Variants in AGPAT3 observed in about 807,000 individuals in gnomAD.
AGPAT3 encodes 1-acyl-sn-glycerol-3-phosphate acyltransferase gamma.
A neutral mutation model predicts 47.3 loss-of-function variants in AGPAT3; 5 were observed. The ratio of observed to expected loss-of-function variants is 0.11; its 90% CI spans 0.06 to 0.22. The LOEUF is 0.22. AGPAT3 is among the 10% of genes least tolerant of loss of function. The pLI, the probability that AGPAT3 is intolerant of heterozygous loss-of-function variation, is 1.00. For missense variants in AGPAT3, 315 were observed against 493.0 expected (o/e 0.64, Z 3.42); for synonymous variants, 212 against 208.3 (o/e 1.02, Z -0.15).
chr21:43,865,667 C>T (rs1008008317), intron 1 of AGPAT3, among the ~76,000 whole-genome samples: 2 of 150,510 alleles, frequency 1.3e-5, no homozygotes, highest in Non-Finnish European at 3.0e-5. Flanking sequence ...CGGGGAGGCC[C>T]GGGGGTTCGG....
intron 7 of AGPAT3, among the ~76,000 whole-genome samples, chr21:43,975,067 G>A (rs1201822051): frequency 6.6e-6 from 1 of 152,166 alleles, no homozygotes; most frequent in African/African-American, 2.4e-5. Context: ...CATGTGATGT[G>A]TATGTGCTGG....
At chr21:43,960,091 C>T (rs1472572528) in intron 3 of AGPAT3, among the ~76,000 whole-genome samples, 2 of 152,190 alleles carry the variant, frequency 1.3e-5, no homozygotes, top group African/African-American at 2.4e-5. Context: ...CAGCTTCCCA[C>T]GGTTTACCAG....
At chr21:43,941,865 A>C (rs1194551138) in intron 2 of AGPAT3, among the ~76,000 whole-genome samples, 1 of 152,266 alleles carries the variant, frequency 6.6e-6, no homozygotes, top group Non-Finnish European at 1.5e-5. Flanking sequence ...AAAATGATGA[A>C]AGACCTATTA....
intron 2 of AGPAT3, among the ~76,000 whole-genome samples, chr21:43,936,052 C>T (rs949888409): frequency 5.9e-5 from 9 of 152,238 alleles, no homozygotes; most frequent in African/African-American, 1.9e-4. Flanking sequence ...GCTCACATGC[C>T]GCAGCCCTGG....
chr21:43,938,459 A>AT (rs1569075994), intron 2 of AGPAT3, among the ~76,000 whole-genome samples: 1 of 150,482 alleles, frequency 6.6e-6, no homozygotes, highest in Middle Eastern at 3.5e-3. Context: ...AGGCATGCTA[A>AT]TTTTTTGTAT....
At chr21:43,935,640 G>C (rs1019061688) in intron 2 of AGPAT3, among the ~76,000 whole-genome samples, 1 of 152,242 alleles carries the variant, frequency 6.6e-6, no homozygotes, top group Non-Finnish European at 1.5e-5. Context: ...GGGCCTCAGG[G>C]CTGGGTCTGC....
At chr21:43,947,839 TTCACCATGTTGGTGAGACCA>T (rs1266342955) in intron 2 of AGPAT3, among the ~76,000 whole-genome samples, 1 of 152,096 alleles carries the variant, frequency 6.6e-6, no homozygotes, top group Non-Finnish European at 1.5e-5. Context: ...GAGACGGGGT[TTCACCATGTTGGTGAGACCA>T]TCACCATGAT....
intron 3 of AGPAT3, chr21:43,965,116 G>C (rs1194692678): frequency 2.0e-5 from 3 of 152,498 alleles, no homozygotes; most frequent in Admixed American, 1.3e-4. Context: ...TTTTTGTAGA[G>C]ACAGGGTTTT....
chr21:43,959,821 G>A lies in AGPAT3; in HGVS notation c.140G>A (p.Arg47His), dbSNP rs1230314834. The change falls in exon 3 of 10, where the codon CGC becomes CAC. Residue 47 changes from arginine (R) to histidine (H), a missense_variant. Arg to His is a conservative substitution (Grantham distance 29). Coordinates refer to ENST00000291572, the MANE Select transcript of AGPAT3 (RefSeq NM_020132.5). ...ALWPVSKQLY[R>H]RLNCRLAYSL... is the part of the protein sequence containing the mutation. ...TGGCCGGTCAGCAAGCAGCTCTACC[G>A]CCGCCTCAACTGCCGCCTCGCCTAC... is the stretch of plus-strand genomic sequence containing the variant. 3 of 1,611,914 alleles carry A rather than the reference G, an allele frequency of 1.9e-6. No individual in the cohort carries two copies.
rs2087297353 is a variant in AGPAT3 at position 43,932,775 on chromosome 21, C to T, written c.-48-26859C>T. ...AAGCGATTCTTTTGCTTCAGCCTCCCGAGTAGCTGGGATTACAGACGCCCG... is the reference window on the plus strand; with the variant it reads ...AAGCGATTCTTTTGCTTCAGCCTCCTGAGTAGCTGGGATTACAGACGCCCG... On this transcript the variant is annotated intron_variant, in intron 2 of 9. Coordinates refer to ENST00000291572, the MANE Select transcript of AGPAT3 (RefSeq NM_020132.5). This position sits in a 1 kb window ranked among gnomAD's most constrained non-coding sequence, Gnocchi z 5.2. 2.0e-5 allele frequency among the ~76,000 whole-genome samples: 3 copies of T among 152,172 alleles called. No individual in the cohort carries two copies. Among genetic ancestry groups the T allele is most frequent in the Non-Finnish European group, 2.9e-5 (2 of 68,040 alleles).
At chr21:43,963,727 AAAAGAT>A (rs1253681345) in intron 3 of AGPAT3, among the ~76,000 whole-genome samples, 7 of 151,366 alleles carry the variant, frequency 4.6e-5, no homozygotes, top group African/African-American at 7.3e-5. Context: ...AAAAAAAAAA[AAAAGAT>A]AAGGAAGTCT....
chr21:43,943,817 C>T (rs1178000213), intron 2 of AGPAT3, among the ~76,000 whole-genome samples: 2 of 152,166 alleles, frequency 1.3e-5, no homozygotes, highest in South Asian at 2.1e-4. Flanking sequence ...CAGGAGAGGC[C>T]GGAGCGTTTT....
At chr21:43,870,362 C>T (rs532120219) in intron 1 of AGPAT3, among the ~76,000 whole-genome samples, 64 of 152,176 alleles carry the variant, frequency 4.2e-4, no homozygotes, top group Non-Finnish European at 6.9e-4. Flanking sequence ...GCTAGCATTG[C>T]ATTTTCCTGG....
rs1378445759 is a variant in AGPAT3 at position 43,939,788 on chromosome 21, G to T, written c.-48-19846G>T. Among the ~76,000 whole-genome samples the T allele has an allele frequency of 6.6e-6, 1 of 152,192 alleles. No homozygotes were observed. On this transcript the variant is annotated intron_variant, in intron 2 of 9. Coordinates refer to ENST00000291572, the MANE Select transcript of AGPAT3 (RefSeq NM_020132.5). The surrounding 1 kb of genome is among the most constrained non-coding windows in gnomAD (Gnocchi z 4.4). ...TGGTGCTGTGAGGAGGAAGATGTGG[G>T]CACTCTTAGGTCCCTGGTCCTAGGG...
At position 43,985,899 on chromosome 21, in the gene AGPAT3, G is replaced by C. The variant is rs1274012514; in HGVS notation, c.*3507G>C. On this transcript the variant is annotated 3_prime_UTR_variant, in exon 10 of 10. Coordinates refer to ENST00000291572, the MANE Select transcript of AGPAT3 (RefSeq NM_020132.5). ...GGCTCAGGGTTCAAACGGCCAGCCCGAAAAGCCTGCCTGCCTTCTTTCTGG... is the reference window on the plus strand; with the variant it reads ...GGCTCAGGGTTCAAACGGCCAGCCCCAAAAGCCTGCCTGCCTTCTTTCTGG... 6.6e-6 allele frequency: 1 copy of C among 152,534 alleles called. No individual in the cohort carries two copies. Among genetic ancestry groups the C allele is most frequent in the African/African-American group, 2.4e-5 (1 of 41,472 alleles). 9.4% of individuals were successfully genotyped at this position (152,534 alleles called of 1,614,324 possible).
chr21:43,907,152 G>A (rs2086520010), intron 2 of AGPAT3, among the ~76,000 whole-genome samples: 1 of 150,582 alleles, frequency 6.6e-6, no homozygotes, highest in Admixed American at 6.6e-5. Context: ...TCCTGCCTCA[G>A]CCTCCCGGTA....
Position 43,899,470 on chromosome 21 carries a change from G to C in AGPAT3, c.-111-4487G>C, listed in dbSNP as rs949833019. The stretch of plus-strand genomic sequence containing the variant: ...GTTTGTAAATCACAGATCCGGCCGG[G>C]GATGTGCACCCAGAGCCTCTAAAGG... On this transcript the variant is annotated intron_variant, in intron 1 of 9. Coordinates refer to ENST00000291572, the MANE Select transcript of AGPAT3 (RefSeq NM_020132.5). Among the ~76,000 whole-genome samples, 22 of 152,232 alleles carry C rather than the reference G, an allele frequency of 1.4e-4. 2 individuals carry two copies.
chr21:43,902,961 C>T (rs1001814087), intron 1 of AGPAT3, among the ~76,000 whole-genome samples: 6 of 152,060 alleles, frequency 3.9e-5, no homozygotes, highest in African/African-American at 9.7e-5. Context: ...GATTGTGCCA[C>T]GGCGACTCCA....
Position 43,922,847 on chromosome 21 carries a change from C to T in AGPAT3, c.-49+18828C>T, listed in dbSNP as rs181871211. The stretch of plus-strand genomic sequence containing the variant: ...GCCATGAGGATTGGCTGCATTTTTT[C>T]GCTGTGTGATGTGACTGGCTGCCCA... On this transcript the variant is annotated intron_variant, in intron 2 of 9. Coordinates refer to ENST00000291572, the MANE Select transcript of AGPAT3 (RefSeq NM_020132.5). The surrounding 1 kb of genome is among the most constrained non-coding windows in gnomAD (Gnocchi z 4.9). Among the ~76,000 whole-genome samples the T allele has an allele frequency of 6.0e-3, 915 of 152,270 alleles. 9 individuals are homozygous for T. Among genetic ancestry groups the T allele is most frequent in the African/African-American group, 0.021 (865 of 41,542 alleles).
Sources: gnomAD v4.1 joint callset for allele counts (sites outside exome capture counted in the v4.1 genomes callset) on GRCh38, gnomAD v4.1.1 for gene constraint, Gnocchi (gnomAD v3.1) non-coding constraint, MANE v1.5 for transcripts, NCBI Gene and HGNC (gene_info 2026-07-23, HGNC 2026-07-21) for gene names.